Variants in RAI14 observed in about 807,000 individuals in gnomAD.
RAI14 encodes retinoic acid induced 14, also known as ankycorbin.
In RAI14, 45 loss-of-function variants were observed where a neutral mutation model predicts 115.4. The ratio of observed to expected loss-of-function variants is 0.39; its 90% CI spans 0.31 to 0.50. The LOEUF (loss-of-function observed/expected upper bound fraction) is 0.50. RAI14 is among the 20% of genes least tolerant of loss of function. The pLI is 0.85. For synonymous variants in RAI14, 371 were observed against 415.4 expected (o/e 0.89, Z 1.30); for missense variants, 939 against 1,131.2 (o/e 0.83, Z 2.44).
intron 5 of RAI14, 115 bp downstream of exon 5, chr5:34,803,891 A>C: frequency 1.1e-6 from 1 of 894,162 alleles, no homozygotes; most frequent in Admixed American, 2.4e-5. Context: ...TACTGTCCCC[A>C]AACCTGTGTT....
At chr5:34,768,152 G>A (rs1749663028) in intron 3 of RAI14, among the ~76,000 whole-genome samples, 1 of 149,820 alleles carries the variant, frequency 6.7e-6, no homozygotes, top group South Asian at 2.1e-4. Flanking sequence ...GACCATGGGA[G>A]CCTACCTCTT....
chr5:34,659,600 C>T (rs2149837328), intron 1 of RAI14, among the ~76,000 whole-genome samples: 1 of 152,264 alleles, frequency 6.6e-6, no homozygotes. Context: ...CACTCTATTT[C>T]CATTTTCATT....
intron 1 of RAI14, among the ~76,000 whole-genome samples, chr5:34,663,669 A>G (rs561687501): frequency 2.0e-5 from 3 of 152,348 alleles, no homozygotes; most frequent in African/African-American, 7.2e-5. Context: ...GCCACACAGT[A>G]GGAGATTAAC....
chr5:34,780,091 T>C (rs1751417038), intron 3 of RAI14, among the ~76,000 whole-genome samples: 1 of 152,156 alleles, frequency 6.6e-6, no homozygotes, highest in African/African-American at 2.4e-5. Flanking sequence ...CATCTGATCT[T>C]TGACAAACCT....
At chr5:34,761,680 C>T (rs796668974) in intron 3 of RAI14, among the ~76,000 whole-genome samples, 4 of 152,172 alleles carry the variant, frequency 2.6e-5, no homozygotes, top group African/African-American at 9.7e-5. Context: ...ACCTGTGCAC[C>T]CAGGTTCTAT....
intron 3 of RAI14, among the ~76,000 whole-genome samples, chr5:34,795,305 CCATCT>C (rs1753376926): frequency 6.6e-6 from 1 of 152,138 alleles, no homozygotes; most frequent in East Asian, 1.9e-4. Context: ...TAGACACTTG[CCATCT>C]AATGGAGAAA....
chr5:34,715,379 G>A (rs1250602537), intron 2 of RAI14, among the ~76,000 whole-genome samples: 1 of 152,118 alleles, frequency 6.6e-6, no homozygotes, highest in African/African-American at 2.4e-5. Flanking sequence ...GGGTCCAGTT[G>A]GTCTTAGCCA....
At chr5:34,662,978 C>A (rs1160253086) in intron 1 of RAI14, among the ~76,000 whole-genome samples, 1 of 151,996 alleles carries the variant, frequency 6.6e-6, no homozygotes, top group Non-Finnish European at 1.5e-5. Flanking sequence ...TCAAGTGATC[C>A]ACCTGCCTTG....
rs182791515 is a variant in RAI14, at chr5:34,803,577, A to G, written c.257-135A>G. ...GTCTCAAAAAACAAAAAAACAAACA[A>G]ACAAAAAAACACAGTTCCGTCTTTT... On this transcript the variant is annotated intron_variant, in intron 4 of 17. Transcript: ENST00000265109. The G allele has an allele frequency of 1.9e-4, 146 of 761,058 alleles. 2 individuals are homozygous for G. In the East Asian group the frequency reaches 4.3e-3, roughly 22 times the overall value. The allele number at this position is 761,058 out of a possible 1,614,324, so 47.1% of individuals were successfully genotyped here. A position where few individuals can be genotyped will look rare whatever the true frequency, so the allele number is the denominator to read the frequency against.
chr5:34,822,569 C>T (rs949329001), intron 14 of RAI14, among the ~76,000 whole-genome samples: 1 of 148,216 alleles, frequency 6.7e-6, no homozygotes, highest in Non-Finnish European at 1.5e-5. Context: ...CATGAGAATA[C>T]ACAGGCAAAG....
intron 2 of RAI14, among the ~76,000 whole-genome samples, chr5:34,730,419 G>A (rs1475070407): frequency 2.0e-5 from 3 of 152,102 alleles, no homozygotes; most frequent in African/African-American, 7.2e-5. Context: ...GCTCATGCCT[G>A]TAATCCCAGC....
At chr5:34,783,733 T>C (rs1014567123) in intron 3 of RAI14, among the ~76,000 whole-genome samples, 6 of 152,202 alleles carry the variant, frequency 3.9e-5, no homozygotes, top group African/African-American at 1.4e-4. Flanking sequence ...TTCTTTCCAC[T>C]ATGGCTTGTC....
At chr5:34,712,023 C>T (rs1024550637) in intron 2 of RAI14, among the ~76,000 whole-genome samples, 2 of 152,044 alleles carry the variant, frequency 1.3e-5, no homozygotes, top group African/African-American at 2.4e-5. Context: ...GTCAGTGGAA[C>T]CTATAGATTG....
intron 2 of RAI14, among the ~76,000 whole-genome samples, chr5:34,707,523 G>T (rs2149951200): frequency 6.6e-6 from 1 of 152,250 alleles, no homozygotes; most frequent in South Asian, 2.1e-4. Flanking sequence ...TTCCTGTTCA[G>T]GTCTCTTTCC....
In RAI14 at chr5:34,657,875, C is replaced by A. The variant is rs147901363; in HGVS notation, c.-49+1400C>A. ...CTGCTCTGTCCCCAGCCTGCAGGTC[C>A]CTGTTCGCCCTGTGGCTCGGAATTT... On this transcript the variant is annotated intron_variant, in intron 1 of 17. Transcript: ENST00000265109. Among the ~76,000 whole-genome samples the A allele has an allele frequency of 9.7e-4, 148 of 152,342 alleles. 1 individual carries two copies. Among genetic ancestry groups the A allele is most frequent in the African/African-American group, 3.4e-3 (143 of 41,580 alleles).
At chr5:34,750,063 T>C (rs1746788893) in intron 2 of RAI14, among the ~76,000 whole-genome samples, 1 of 152,188 alleles carries the variant, frequency 6.6e-6, no homozygotes, top group African/African-American at 2.4e-5. Context: ...ACAGTGCAGC[T>C]CATCAAATTC....
intron 3 of RAI14, among the ~76,000 whole-genome samples, chr5:34,777,342 A>T (rs1015548622): frequency 1.3e-5 from 2 of 152,362 alleles, no homozygotes; most frequent in Admixed American, 6.5e-5. Flanking sequence ...ATTTGGCCAT[A>T]AAAAGAATGA....
At chr5:34,693,104 G>A (rs1738832675) in intron 2 of RAI14, among the ~76,000 whole-genome samples, 1 of 152,156 alleles carries the variant, frequency 6.6e-6, no homozygotes, top group Non-Finnish European at 1.5e-5. Flanking sequence ...ACTCATACTG[G>A]ATTAGGGCTC....
At chr5:34,822,250 G>GTATA (rs376790121) in intron 14 of RAI14, among the ~76,000 whole-genome samples, 4,321 of 134,618 alleles carry the variant, frequency 0.032, 131 homozygotes, top group Admixed American at 0.083. Flanking sequence ...ATGTGTGTAT[G>GTATA]TATATATATA....
Sources: gnomAD v4.1 joint callset for allele counts (sites outside exome capture counted in the v4.1 genomes callset) on GRCh38, gnomAD v4.1.1 for gene constraint, MANE v1.5 for transcripts, NCBI Gene and HGNC (gene_info 2026-07-23, HGNC 2026-07-21) for gene names.